The following ALG13 variants were observed in gnomAD, a reference collection of about 807,000 sequenced individuals.
ALG13 encodes UDP-N-acetylglucosamine transferase subunit ALG13.
Under a neutral mutation model 87.8 loss-of-function variants are expected in ALG13, and 11 were observed. The ratio of observed to expected loss-of-function variants is 0.13; its 90% CI spans 0.08 to 0.21. The LOEUF (loss-of-function observed/expected upper bound fraction) is 0.21. Ranked by LOEUF, ALG13 falls within the 10% of genes least tolerant of loss-of-function variation. The pLI is 1.00. For missense variants in ALG13, 756 were observed against 866.1 expected (o/e 0.87, Z 1.60); for synonymous variants, 320 against 306.3 (o/e 1.04, Z -0.47).
At chrX:111,733,411 T>C (rs1186576492) in intron 21 of ALG13, among the ~76,000 whole-genome samples, 2 of 111,901 alleles carry the variant, frequency 1.8e-5, no homozygotes, top group African/African-American at 6.5e-5. Context: ...CCTGAGTTAC[T>C]TCACTTAGAA....
chrX:111,698,051 A>G (rs1937207847), intron 3 of ALG13, among the ~76,000 whole-genome samples: 1 of 112,234 alleles, frequency 8.9e-6, no homozygotes, highest in Admixed American at 9.5e-5. Flanking sequence ...TTGATTATAC[A>G]AGGCTTACAA....
chrX:111,736,606 G>A (rs1244218670), intron 22 of ALG13, 108 bp from the exon 23 acceptor site: 3 of 711,840 alleles, frequency 4.2e-6, no homozygotes, highest in Non-Finnish European at 6.2e-6. Context: ...TTGACTTTCA[G>A]TGTTTTAGTT....
intron 4 of ALG13, among the ~76,000 whole-genome samples, 154 bp downstream of exon 4, chrX:111,708,547 T>C (rs1939175934): frequency 3.6e-5 from 4 of 112,046 alleles, no homozygotes; most frequent in South Asian, 3.7e-4. Flanking sequence ...CCTGCTCTTA[T>C]TAGCTTGGTG....
chrX:111,688,863 G>C, intron 3 of ALG13: 1 of 752,600 alleles, frequency 1.3e-6, no homozygotes, highest in Non-Finnish European at 1.6e-6. Flanking sequence ...TCTGATTAGA[G>C]TGTGTGGTCT....
rs1385236613 is a variant in ALG13, at chrX:111,688,248, C to G, written c.383+3145C>G. On this transcript the variant is annotated intron_variant, in intron 3 of 26. Coordinates refer to ENST00000394780, the MANE Select transcript of ALG13 (RefSeq NM_001099922.3). ...TGTAGTGAGCATTCACAGGTTTTCT[C>G]CTAGAATCTCAAGTGGAATTGGAAT... is the stretch of plus-strand genomic sequence containing the variant. 3.9e-6 allele frequency: 3 copies of G among 767,563 alleles called. No individual in the cohort carries two copies. In the African/African-American group the frequency reaches 6.9e-5, roughly 18 times the overall value. 63.3% of individuals were successfully genotyped at this position (767,563 alleles called of 1,213,427 possible).
chrX:111,696,099 A>G (rs954860107), intron 3 of ALG13, among the ~76,000 whole-genome samples: 8 of 111,215 alleles, frequency 7.2e-5, no homozygotes, highest in South Asian at 3.8e-4. Context: ...ATGTTAATAC[A>G]TGGGTTTGTT....
intron 1 of ALG13, chrX:111,681,603 C>T: frequency 2.1e-6 from 2 of 952,602 alleles, no homozygotes; most frequent in East Asian, 5.0e-5. Flanking sequence ...CGTCCTCCGC[C>T]CCTCCTTCCA....
chrX:111,727,086 G>A (rs944206528), intron 16 of ALG13, 31 bp downstream of exon 16: 35 of 1,203,726 alleles, frequency 2.9e-5, no homozygotes, highest in Non-Finnish European at 3.8e-5. Flanking sequence ...TATTTTCATG[G>A]TCTAGGGAAA....
chrX:111,744,313 A>T (rs1037746073), intron 23 of ALG13, among the ~76,000 whole-genome samples: 7 of 111,987 alleles, frequency 6.3e-5, no homozygotes, highest in African/African-American at 2.3e-4. Context: ...TGCTGAAAAC[A>T]TTCTTAAATT....
Position 111,708,129 on chromosome X carries a change from T to C in ALG13, c.486T>C (p.Phe162=), listed in dbSNP as rs751015058. 1.1e-5 allele frequency: 13 copies of C among 1,210,032 alleles called. No individual in the cohort carries two copies. The highest frequency in any genetic ancestry group is 3.5e-5 in the South Asian group (2 of 56,830). The part of the protein sequence containing the change: ...LTSTAFSGLD[F]GLLSGYLHKQ... ...CAACTGCCTTTTCAGGCCTAGACTTTGGGCTGCTTTCCGGATACCTGCATA... is the reference window on the plus strand; with the variant it reads ...CAACTGCCTTTTCAGGCCTAGACTTCGGGCTGCTTTCCGGATACCTGCATA... Residue 162 remains phenylalanine (F), a synonymous_variant, in exon 4 of 27, where the codon TTT becomes TTC. Coordinates refer to ENST00000394780, the MANE Select transcript of ALG13 (RefSeq NM_001099922.3).
chrX:111,733,152 A>G (rs746132512), intron 21 of ALG13, among the ~76,000 whole-genome samples: 107 of 111,537 alleles, frequency 9.6e-4, no homozygotes, highest in African/African-American at 3.1e-3. Context: ...TTTAATTTCA[A>G]TAGGTTTTTT....
At chrX:111,740,599 G>A (rs1043187367) in intron 23 of ALG13, among the ~76,000 whole-genome samples, 7 of 110,429 alleles carry the variant, frequency 6.3e-5, no homozygotes, top group Non-Finnish European at 1.3e-4. Flanking sequence ...AAATGTTCAA[G>A]ATGAGCCTGG....
At chrX:111,734,311 G>A (rs1943020559) in intron 21 of ALG13, 1 of 112,540 alleles carries the variant, frequency 8.9e-6, no homozygotes, top group African/African-American at 3.2e-5. Context: ...TTCTCTAGAA[G>A]CATTTGGTAT....
chrX:111,691,123 C>T (rs187187996), intron 3 of ALG13, among the ~76,000 whole-genome samples: 304 of 110,876 alleles, frequency 2.7e-3, no homozygotes, highest in Non-Finnish European at 5.2e-3. Flanking sequence ...TATTTTGAGA[C>T]CAAGTCTCGC....
chrX:111,708,150 G>T lies in ALG13; in HGVS notation c.507G>T (p.Leu169=). Reference sequence around the variant, plus strand: ...ACTTTGGGCTGCTTTCCGGATACCTGCATAAGCAAGCCCTTGTTACTGCTA... The same window carrying T: ...ACTTTGGGCTGCTTTCCGGATACCTTCATAAGCAAGCCCTTGTTACTGCTA... ...GLDFGLLSGY[L]HKQALVTATH... The change falls in exon 4 of 27, where the codon CTG becomes CTT. Residue 169 remains leucine, a synonymous_variant. Transcript: ENST00000394780. 8.3e-7 allele frequency: 1 copy of T among 1,211,521 alleles called. No homozygotes were observed. The highest frequency in any genetic ancestry group is 1.8e-5 in the South Asian group (1 of 56,978).
chrX:111,704,729 G>A (rs1220237320), intron 3 of ALG13, among the ~76,000 whole-genome samples: 1 of 111,463 alleles, frequency 9.0e-6, no homozygotes, highest in Admixed American at 9.5e-5. Context: ...GTTTTATTTT[G>A]GGATAAAGAG....
In ALG13 at chrX:111,718,096, A is replaced by ACCG. The variant is rs748822201; in HGVS notation, c.1088-14_1088-13insGCC. On this transcript the variant is annotated splice_polypyrimidine_tract_variant and intron_variant, in intron 9 of 26. Transcript: ENST00000394780. ...TCTTATTTTGACAATTGGAATTTTG[A>ACCG]CCATTTTTTCTTCAGCTGTATTGTA... 1.7e-6 allele frequency: 2 copies of ACCG among 1,151,288 alleles called. No individual in the cohort carries two copies. The highest frequency in any genetic ancestry group is 1.2e-6 in the Non-Finnish European group (1 of 862,461). 94.9% of individuals were successfully genotyped at this position (1,151,288 alleles called of 1,213,427 possible). A position where few individuals can be genotyped will look rare whatever the true frequency, so the allele number is the denominator to read the frequency against.
At position 111,708,179 on chromosome X, in the gene ALG13, A is replaced by G; in HGVS notation, c.536A>G (p.His179Arg). The change falls in exon 4 of 27, where the codon CAT (histidine) becomes CGT (arginine). Residue 179 changes from histidine to arginine, a missense_variant. This residue lies in a region of ALG13 where 153 missense variants were observed against 168.7 expected (regional missense o/e 0.91). Transcript: ENST00000394780. ...LHKQALVTAT[H>R]PTCTLLFPSC... ...AAGCAAGCCCTTGTTACTGCTACCC[A>G]TCCTACCTGCACCCTGCTTTTTCCC... The G allele has an allele frequency of 2.5e-6, 3 of 1,211,015 alleles. No individual in the cohort carries two copies. Among genetic ancestry groups the G allele is most frequent in the Non-Finnish European group, 3.4e-6 (3 of 895,229 alleles).
At chrX:111,704,715 C>T (rs766927199) in intron 3 of ALG13, among the ~76,000 whole-genome samples, 116 of 111,428 alleles carry the variant, frequency 1.0e-3, no homozygotes, top group Admixed American at 1.8e-3. Context: ...CTACAGGATG[C>T]AGAGTTTTAT....
Sources: allele counts gnomAD v4.1 joint callset (sites outside exome capture counted in the v4.1 genomes callset), GRCh38; gene constraint gnomAD v4.1.1; regional missense constraint gnomAD v4.1.1; transcripts MANE v1.5; gene names NCBI Gene and HGNC (gene_info 2026-07-23, HGNC 2026-07-21).